The following AMACR variants were observed in gnomAD, a reference collection of about 807,000 sequenced individuals.
AMACR encodes alpha-methylacyl-CoA racemase, also known as 2-methylacyl-CoA racemase.
AMACR carries 18 observed loss-of-function variants against 22.2 expected under a neutral mutation model. That is an observed-to-expected ratio of 0.81 (90% CI 0.56 to 1.20). The LOEUF is 1.20. Ranked by LOEUF, AMACR falls within the 50% of genes most tolerant of loss-of-function variation. The pLI is 0.00. For synonymous variants in AMACR, 213 were observed against 191.3 expected, an observed-to-expected ratio of 1.11 and a Z score of -0.94; for missense variants, 499 against 490.6, an observed-to-expected ratio of 1.02 and a Z score of -0.16.
At chr5:34,001,360 A>C (rs974378032) in intron 3 of AMACR, among the ~76,000 whole-genome samples, 1 of 152,176 alleles carries the variant, frequency 6.6e-6, no homozygotes, top group African/African-American at 2.4e-5. Context: ...AGAAAACAGA[A>C]GTGAGGTACA....
intron 4 of AMACR, 131 bp downstream of exon 4, chr5:33,998,510 G>T: frequency 1.2e-6 from 1 of 859,316 alleles, no homozygotes; most frequent in South Asian, 2.1e-5. Context: ...TTATATTGAT[G>T]GCTATAATTA....
In AMACR at chr5:34,007,820, C is replaced by A; in HGVS notation, c.200G>T (p.Arg67Leu). 1 of 1,576,568 alleles carries A rather than the reference C, an allele frequency of 6.3e-7. No homozygotes were observed. Among genetic ancestry groups the A allele is most frequent in the South Asian group, 1.1e-5 (1 of 88,334 alleles). The stretch of plus-strand genomic sequence containing the variant: ...CACATCCGACCGCTTGCACAGACGC[C>A]GCAGCACGGCGGCTCCCCGCGGCTG... Reference protein sequence around the residue: ...LKQPRGAAVLRRLCKRSDVLL... With the variant: ...LKQPRGAAVLLRLCKRSDVLL... Residue 67 changes from arginine (R) to leucine (L), a missense_variant, in exon 1 of 5, where the codon CGG (arginine) becomes CTG (leucine). Physicochemically the swap from Arg to Leu is moderately radical, Grantham distance 102. Coordinates refer to ENST00000335606, the MANE Select transcript of AMACR (RefSeq NM_014324.6).
At chr5:34,004,404 T>TA (rs1753906359) in intron 3 of AMACR, among the ~76,000 whole-genome samples, 170 bp downstream of exon 3, 1 of 152,188 alleles carries the variant, frequency 6.6e-6, no homozygotes. Flanking sequence ...TTCTAACAGA[T>TA]ATATAAAAGA....
chr5:33,993,820 A>C (rs1753556319), intron 4 of AMACR: 1 of 225,910 alleles, frequency 4.4e-6, no homozygotes, highest in Non-Finnish European at 9.3e-6. Context: ...AATCACTTGA[A>C]TCCAAGAGGC....
Position 33,989,242 on chromosome 5 carries a change from T to G in AMACR, c.1000A>C (p.Thr334Pro). 1 of 1,614,132 alleles carries G rather than the reference T, an allele frequency of 6.2e-7. No individual in the cohort carries two copies. The highest frequency in any genetic ancestry group is 8.5e-7 in the Non-Finnish European group (1 of 1,180,000). ...SPRPAPLLLN[T>P]PAIPSFKRDP... ...CTTTTGAAAGAAGGGATGGCTGGGG[T>G]GTTTAACAGCAGAGGTGCAGGGCGG... Residue 334 changes from threonine to proline, a missense_variant, in exon 5 of 5, where the codon ACC (threonine) becomes CCC (proline). By Grantham distance (38) the Thr-to-Pro change is conservative. Coordinates refer to ENST00000335606, the MANE Select transcript of AMACR (RefSeq NM_014324.6).
intron 3 of AMACR, among the ~76,000 whole-genome samples, chr5:34,000,328 G>C (rs924605857): frequency 2.0e-5 from 3 of 152,206 alleles, no homozygotes; most frequent in African/African-American, 7.2e-5. Flanking sequence ...GTGCAAGAGA[G>C]AGTTTTAGCA....
At position 33,986,699 on chromosome 5, in the gene AMACR, A is replaced by C. The variant is rs928457217; in HGVS notation, c.*2394T>G. The C allele has an allele frequency of 1.3e-5, 2 of 152,010 alleles. No homozygotes were observed. Among genetic ancestry groups the C allele is most frequent in the African/African-American group, 4.8e-5 (2 of 41,366 alleles). 9.4% of individuals were successfully genotyped at this position (152,010 alleles called of 1,614,324 possible). On this transcript the variant is annotated 3_prime_UTR_variant, in exon 5 of 5. Transcript: ENST00000335606. ...GAAAGAAGCCAGGATATTTCCCTAG[A>C]TTTCTTTCTTCTCCCTGAGGTATTA... is the stretch of plus-strand genomic sequence containing the variant.
rs537384069 is a variant in AMACR, at chr5:33,987,472, T to C, written c.*1621A>G. ...GTGACCTCACAAGAGTATCTCAGAA[T>C]ATTTAAAAATTTGAACACACAAACA... On this transcript the variant is annotated 3_prime_UTR_variant, in exon 5 of 5. Transcript: ENST00000335606. 3 of 152,394 alleles carry C rather than the reference T, an allele frequency of 2.0e-5. No homozygotes were observed. In the East Asian group the frequency reaches 5.8e-4, roughly 29 times the overall value. The allele number at this position is 152,394 out of a possible 1,614,324, so 9.4% of individuals were successfully genotyped here.
At chr5:34,003,966 AAAC>A (rs1265563008) in intron 3 of AMACR, among the ~76,000 whole-genome samples, 1 of 152,208 alleles carries the variant, frequency 6.6e-6, no homozygotes, top group Non-Finnish European at 1.5e-5. Context: ...CTCCTCTTTA[AAAC>A]AACAAGGTAT....
At chr5:33,993,079 G>A (rs976601511) in intron 4 of AMACR, among the ~76,000 whole-genome samples, 14 of 151,954 alleles carry the variant, frequency 9.2e-5, no homozygotes, top group African/African-American at 3.1e-4. Context: ...ACTAACTCCC[G>A]CTCCTACCTC....
chr5:33,988,132 A>G lies in AMACR; in HGVS notation c.*961T>C. On this transcript the variant is annotated 3_prime_UTR_variant, in exon 5 of 5. Coordinates refer to ENST00000335606, the MANE Select transcript of AMACR (RefSeq NM_014324.6). ...TGATGGCACCCGGATTAGATTGTGGAATCTACCCCTTCCTCACATGCCTTT... is the reference window on the plus strand; with the variant it reads ...TGATGGCACCCGGATTAGATTGTGGGATCTACCCCTTCCTCACATGCCTTT... 1 of 569,334 alleles carries G rather than the reference A, an allele frequency of 1.8e-6. No individual in the cohort carries two copies. The highest frequency in any genetic ancestry group is 2.9e-5 in the East Asian group (1 of 34,892). The allele number at this position is 569,334 out of a possible 1,614,324, so 35.3% of individuals were successfully genotyped here.
rs774406448 is a variant in AMACR at position 33,989,158 on chromosome 5, C to T, written c.1084G>A (p.Glu362Lys). The T allele has an allele frequency of 1.5e-5, 24 of 1,614,082 alleles. No individual in the cohort carries two copies. The East Asian group carries it at 2.4e-4, about 16-fold the overall frequency. Residue 362 changes from glutamate to lysine, a missense_variant, in exon 5 of 5, where the codon GAA becomes AAA. Physicochemically the swap from Glu to Lys is moderately conservative, Grantham distance 56. Transcript: ENST00000335606. ...EILEEFGFSR[E>K]EIYQLNSDKI... ...TCTGAGTTAAGCTGATAAATCTCTT[C>T]GCGGCTGAATCCAAATTCTTCAAGT...
intron 4 of AMACR, among the ~76,000 whole-genome samples, chr5:33,992,230 A>G (rs1753503148): frequency 6.6e-6 from 1 of 152,172 alleles, no homozygotes; most frequent in Admixed American, 6.5e-5. Flanking sequence ...ATGAACTTGC[A>G]TAGGGAATTG....
intron 4 of AMACR, 33 bp from the exon 5 acceptor site, chr5:33,989,535 G>T: frequency 1.3e-6 from 2 of 1,538,170 alleles, no homozygotes; most frequent in Non-Finnish European, 1.8e-6. Context: ...AAATTATTAT[G>T]CTTTGAACAG....
chr5:34,004,454 C>T, intron 3 of AMACR, 120 bp downstream of exon 3: 5 of 1,308,516 alleles, frequency 3.8e-6, no homozygotes, highest in Non-Finnish European at 4.4e-6. Flanking sequence ...TCCTTGGTAA[C>T]CTGGCTTGAA....
rs1753353791 is a variant in AMACR, at chr5:33,988,164, T to C, written c.*929A>G. 6 of 677,768 alleles carry C rather than the reference T, an allele frequency of 8.9e-6. No homozygotes were observed. Among genetic ancestry groups the C allele is most frequent in the Non-Finnish European group, 1.2e-5 (5 of 413,106 alleles). The allele number at this position is 677,768 out of a possible 1,614,324, so 42.0% of individuals were successfully genotyped here. On this transcript the variant is annotated 3_prime_UTR_variant, in exon 5 of 5. Coordinates refer to ENST00000335606, the MANE Select transcript of AMACR (RefSeq NM_014324.6). ...CCCTTCCTCACATGCCTTTAGGAAG[T>C]TGAGTCCAGGGAAGCTCCAGGAGCA...
chr5:33,994,202 C>G, intron 4 of AMACR: 2 of 375,502 alleles, frequency 5.3e-6, no homozygotes, highest in South Asian at 4.0e-5. Flanking sequence ...TGTTTTGAGA[C>G]AGAGTCTCGC....
rs759514531 is a variant in AMACR at position 33,989,075 on chromosome 5, G to T, written c.*18C>A. The T allele has an allele frequency of 4.3e-6, 7 of 1,613,832 alleles. No homozygotes were observed. Among genetic ancestry groups the T allele is most frequent in the South Asian group, 1.1e-5 (1 of 90,940 alleles). On this transcript the variant is annotated 3_prime_UTR_variant, in exon 5 of 5. Transcript: ENST00000335606. Reference sequence around the variant, plus strand: ...GTAAATGCAGTATTCAAATTCACTTGAGCCGTGGGCCTGGAAGTTAGAGAC... The same window carrying T: ...GTAAATGCAGTATTCAAATTCACTTTAGCCGTGGGCCTGGAAGTTAGAGAC...
rs35655488 is a variant in AMACR at position 33,989,405 on chromosome 5, C to T, written c.837G>A (p.Thr279=). The T allele has an allele frequency of 9.2e-4, 1,492 of 1,614,168 alleles. 14 individuals carry two copies. The African/African-American group carries it at 0.011, about 12-fold the overall frequency. Residue 279 remains threonine (T), a synonymous_variant, in exon 5 of 5, where the codon ACG becomes ACA. Transcript: ENST00000335606. ...CAAAGATTTGACACCACTCTGCCTT[C>T]GTCTTCTCTGCAAATACATCTGCAA... ...KKFADVFAEK[T]KAEWCQIFDG... is the part of the protein sequence containing the mutation.
Sources: allele counts gnomAD v4.1 joint callset (sites outside exome capture counted in the v4.1 genomes callset), GRCh38; gene constraint gnomAD v4.1.1; transcripts MANE v1.5; gene names NCBI Gene and HGNC (gene_info 2026-07-23, HGNC 2026-07-21).